SEMA4B: variants seen among roughly 807,000 people sequenced by gnomAD.
The protein encoded by SEMA4B is semaphorin 4B.
A neutral mutation model predicts 88.1 loss-of-function variants in SEMA4B; 55 were observed. That is an observed-to-expected ratio of 0.62 (90% confidence interval 0.50 to 0.78). SEMA4B has a LOEUF of 0.78. Among genes scored for constraint, SEMA4B ranks in the 30% least tolerant of loss-of-function variants. The pLI is 0.00. For missense variants in SEMA4B, 1,062 were observed against 1,111.9 expected, an observed-to-expected ratio of 0.96 and a Z score of 0.64; for synonymous variants, 525 against 473.6, an observed-to-expected ratio of 1.11 and a Z score of -1.41.
intron 1 of SEMA4B, chr15:90,215,001 T>C: frequency 7.9e-7 from 1 of 1,266,548 alleles, no homozygotes; most frequent in Non-Finnish European, 1.0e-6. Context: ...AGCTGCTTGA[T>C]TGGGCGTGTT....
rs1287633657 is a variant in SEMA4B, at chr15:90,228,885, T to G, written c.*242T>G. ...AAATATGGGGGCCTGCCTAGGTTGG[T>G]GGAACAGTGCTCCTTATGTAAACTG... On this transcript the variant is annotated 3_prime_UTR_variant, in exon 14 of 14. Transcript: ENST00000411539. 3.4e-6 allele frequency: 2 copies of G among 590,240 alleles called. No homozygotes were observed. Among genetic ancestry groups the G allele is most frequent in the East Asian group, 5.7e-5 (2 of 34,876 alleles). The allele number at this position is 590,240 out of a possible 1,614,324, so 36.6% of individuals were successfully genotyped here. A position where few individuals can be genotyped will look rare whatever the true frequency, so the allele number is the denominator to read the frequency against.
chr15:90,185,263 G>A (rs549176780), intron 1 of SEMA4B, among the ~76,000 whole-genome samples: 1 of 152,374 alleles, frequency 6.6e-6, no homozygotes, highest in South Asian at 2.1e-4. Context: ...CGGGGAGCCT[G>A]TTGCCATGGC....
At chr15:90,210,907 T>C (rs2151605549) in intron 1 of SEMA4B, among the ~76,000 whole-genome samples, 1 of 152,192 alleles carries the variant, frequency 6.6e-6, no homozygotes, top group Non-Finnish European at 1.5e-5. Flanking sequence ...GGAGCTTGTC[T>C]AAGGCAGGTG....
Position 90,228,502 on chromosome 15 carries a change from AGACAG to A in SEMA4B, c.2374_2378del (p.Asp792ProfsTer9). Reference sequence around the variant, plus strand: ...ATCACCGAGGGTACCAGTCCCTGTCAGACAGCCCCCCGGGGTCCCGAGTCTTCACT... The same window carrying A: ...ATCACCGAGGGTACCAGTCCCTGTCACCCCCCGGGGTCCCGAGTCTTCACT... On this transcript the variant is annotated frameshift_variant, in exon 14 of 14. Transcript: ENST00000411539. LOFTEE classifies it high-confidence loss of function. The A allele has an allele frequency of 1.2e-6, 2 of 1,611,574 alleles. No homozygotes were observed. The highest frequency in any genetic ancestry group is 1.7e-6 in the Non-Finnish European group (2 of 1,179,274).
intron 1 of SEMA4B, among the ~76,000 whole-genome samples, chr15:90,211,197 G>A (rs1187732848): frequency 2.0e-5 from 3 of 151,506 alleles, no homozygotes; most frequent in South Asian, 2.1e-4. Flanking sequence ...GCAGGCAGGC[G>A]GCAGGCAGGC....
At position 90,228,957 on chromosome 15, in the gene SEMA4B, G is replaced by A. The variant is rs1962357011; in HGVS notation, c.*314G>A. The A allele has an allele frequency of 4.3e-6, 2 of 469,248 alleles. No homozygotes were observed. Among genetic ancestry groups the A allele is most frequent in the East Asian group, 4.2e-5 (1 of 23,792 alleles). 29.1% of individuals were successfully genotyped at this position (469,248 alleles called of 1,614,324 possible). A position where few individuals can be genotyped will look rare whatever the true frequency, so the allele number is the denominator to read the frequency against. ...TTCCAAATGTGAAACTAGAATGAGA[G>A]GGAAGAGATAGCATGGCATGCAGCA... On this transcript the variant is annotated 3_prime_UTR_variant, in exon 14 of 14. Transcript: ENST00000411539.
At chr15:90,200,358 AG>A (rs1960660883), upstream of SEMA4B, among the ~76,000 whole-genome samples, 1 of 152,246 alleles carries the variant, frequency 6.6e-6, no homozygotes, top group African/African-American at 2.4e-5. Flanking sequence ...TCTTAACTAC[AG>A]GAGGAACTAC....
intron 7 of SEMA4B, among the ~76,000 whole-genome samples, chr15:90,223,340 C>T (rs901769147): frequency 4.6e-5 from 7 of 152,130 alleles, no homozygotes; most frequent in African/African-American, 1.2e-4. Context: ...CAGTGAATCG[C>T]GTCCATATTT....
At chr15:90,208,817 C>T (rs145038272) in intron 1 of SEMA4B, among the ~76,000 whole-genome samples, 1,954 of 151,556 alleles carry the variant, frequency 0.013, 15 homozygotes, top group Middle Eastern at 0.034. Flanking sequence ...TCTTGGCTCA[C>T]TGCAACCTCC....
rs755085891 is a variant in SEMA4B, at chr15:90,221,024, GTCC to G, written c.531_533del (p.Leu178del). ...CCTGGCAAGGGACGAGAAGGGGAAT[GTCC>G]TCCTGGAAGATGGCAAGGGCCGTTG... On this transcript the variant is annotated inframe_deletion, in exon 5 of 14. Coordinates refer to ENST00000411539, the MANE Select transcript of SEMA4B (RefSeq NM_198925.4). The G allele has an allele frequency of 2.5e-6, 4 of 1,611,166 alleles. No individual in the cohort carries two copies. The highest frequency in any genetic ancestry group is 2.2e-5 in the East Asian group (1 of 44,774).
intron 12 of SEMA4B, 157 bp from the exon 13 acceptor site, chr15:90,227,400 C>A (rs887935901): frequency 3.9e-5 from 24 of 617,174 alleles, no homozygotes; most frequent in Non-Finnish European, 6.6e-5. Flanking sequence ...TTAGCTTTGA[C>A]TTGAAATAAT....
intron 1 of SEMA4B, among the ~76,000 whole-genome samples, chr15:90,188,224 T>C (rs1174940497): frequency 1.3e-5 from 2 of 150,796 alleles, no homozygotes; most frequent in East Asian, 3.9e-4. Flanking sequence ...GGCGCTGAGG[T>C]AGAAGGATCA....
chr15:90,192,151 G>A (rs1039707318), intron 1 of SEMA4B: 1 of 152,582 alleles, frequency 6.6e-6, no homozygotes, highest in Non-Finnish European at 1.5e-5. Context: ...GTCAGCACCC[G>A]AGAATGGGGA....
chr15:90,215,757 A>G (rs1351208550), intron 1 of SEMA4B, among the ~76,000 whole-genome samples: 1 of 151,916 alleles, frequency 6.6e-6, no homozygotes, highest in African/African-American at 2.4e-5. Context: ...GGTTGCGGTG[A>G]GCCGAGATCA....
Position 90,217,613 on chromosome 15 carries a change from T to A in SEMA4B, c.321+11T>A. The A allele has an allele frequency of 6.2e-7, 1 of 1,613,140 alleles. No homozygotes were observed. Among genetic ancestry groups the A allele is most frequent in the South Asian group, 1.1e-5 (1 of 90,964 alleles). Reference sequence around the variant, plus strand: ...GGGGAGTACCAGGAGGTGAGAGATGTTGCCTGGAGCTGGCTAGGCTGGGCA... The same window carrying A: ...GGGGAGTACCAGGAGGTGAGAGATGATGCCTGGAGCTGGCTAGGCTGGGCA... On this transcript the variant is annotated intron_variant, in intron 2 of 13. Transcript: ENST00000411539.
Position 90,211,421 on chromosome 15 carries a change from C to T in SEMA4B, c.158-6018C>T, listed in dbSNP as rs551045448. Among the ~76,000 whole-genome samples the T allele has an allele frequency of 7.2e-5, 11 of 152,334 alleles. No individual in the cohort carries two copies. In the South Asian group the frequency reaches 2.1e-3, roughly 29 times the overall value. On this transcript the variant is annotated intron_variant, in intron 1 of 13. Coordinates refer to ENST00000411539, the MANE Select transcript of SEMA4B (RefSeq NM_198925.4). ...GGTGACCTCAGTCCATGGGAGGACC[C>T]TTGGCACACAATACCCCCAACCTCT... is the stretch of plus-strand genomic sequence containing the variant.
At chr15:90,200,201 A>T, upstream of SEMA4B, among the ~76,000 whole-genome samples, 1 of 152,178 alleles carries the variant, frequency 6.6e-6, no homozygotes, top group East Asian at 1.9e-4. Flanking sequence ...AGACCCTGAA[A>T]GTCGGGAGGA....
rs534637158 is a variant in SEMA4B, at chr15:90,205,183, C to T, written c.157+3448C>T. On this transcript the variant is annotated intron_variant, in intron 1 of 13. Transcript: ENST00000411539. ...CAGAAATCTGCAGGCCTGCAAACTGCAGTCAACAAAACGCCATTGAGCAGA... is the reference window on the plus strand; with the variant it reads ...CAGAAATCTGCAGGCCTGCAAACTGTAGTCAACAAAACGCCATTGAGCAGA... Among the ~76,000 whole-genome samples the T allele has an allele frequency of 5.3e-5, 8 of 152,362 alleles. No individual in the cohort carries two copies. The South Asian group carries it at 1.7e-3, about 32-fold the overall frequency.
At position 90,228,509 on chromosome 15, in the gene SEMA4B, C is replaced by T; in HGVS notation, c.2380C>T (p.Pro794Ser). The change falls in exon 14 of 14, where the codon CCC becomes TCC. Residue 794 changes from proline to serine, a missense_variant. Physicochemically the swap from Pro to Ser is moderately conservative, Grantham distance 74. Transcript: ENST00000411539. ...AGGGTACCAGTCCCTGTCAGACAGC[C>T]CCCCGGGGTCCCGAGTCTTCACTGA... ...HRGYQSLSDS[P>S]PGSRVFTESE... 1.2e-6 allele frequency: 2 copies of T among 1,611,526 alleles called. No homozygotes were observed. The highest frequency in any genetic ancestry group is 1.7e-6 in the Non-Finnish European group (2 of 1,179,160).
Sources: gnomAD v4.1 joint callset for allele counts (sites outside exome capture counted in the v4.1 genomes callset) on GRCh38, gnomAD v4.1.1 for gene constraint, MANE v1.5 for transcripts, NCBI Gene and HGNC (gene_info 2026-07-23, HGNC 2026-07-21) for gene names.